Variants in SCNN1B observed in about 807,000 individuals in gnomAD.
SCNN1B encodes the protein epithelial sodium channel subunit beta.
Under a neutral mutation model 65.3 loss-of-function variants are expected in SCNN1B, and 46 were observed. That is an observed-to-expected ratio of 0.70 (90% CI 0.56 to 0.90). SCNN1B has a LOEUF of 0.90. Ranked by LOEUF, SCNN1B falls within the 40% of genes least tolerant of loss-of-function variation. SCNN1B has a pLI of 0.00. For synonymous variants in SCNN1B, 349 were observed against 330.6 expected (o/e 1.06, Z -0.60); for missense variants, 751 against 830.5 (o/e 0.90, Z 1.18).
intron 2 of SCNN1B, among the ~76,000 whole-genome samples, chr16:23,292,184 A>C (rs1156844425): frequency 2.7e-5 from 4 of 145,948 alleles, no homozygotes; most frequent in South Asian, 2.2e-4. Context: ...TATTTATTTT[A>C]TTTCTTTCTT....
At position 23,377,198 on chromosome 16, in the gene SCNN1B, CGCAGA is replaced by C. The variant is rs751079630; in HGVS notation, c.1306_1310del (p.Gln436ArgfsTer13). The C allele has an allele frequency of 6.2e-7, 1 of 1,614,200 alleles. No homozygotes were observed. Among genetic ancestry groups the C allele is most frequent in the Non-Finnish European group, 8.5e-7 (1 of 1,180,020 alleles). Reference sequence around the variant, plus strand: ...TACTCAGATCTACAGATGAGCGTGGCGCAGAGAGAGACCTGCATTGGCATGTGCAA... The same window carrying C: ...TACTCAGATCTACAGATGAGCGTGGCGAGAGACCTGCATTGGCATGTGCAA... On this transcript the variant is annotated frameshift_variant, in exon 9 of 13. Coordinates refer to ENST00000343070, the MANE Select transcript of SCNN1B (RefSeq NM_000336.3). LOFTEE classifies it high-confidence loss of function.
intron 1 of SCNN1B, among the ~76,000 whole-genome samples, chr16:23,340,897 A>AGTGT (rs60710187): frequency 7.2e-4 from 109 of 150,816 alleles, no homozygotes; most frequent in African/African-American, 1.6e-3. Flanking sequence ...GTTGCTTTGA[A>AGTGT]GTGTGTGTGT....
intron 1 of SCNN1B, among the ~76,000 whole-genome samples, chr16:23,310,724 C>T (rs1961323083): frequency 6.6e-6 from 1 of 152,142 alleles, no homozygotes; most frequent in Admixed American, 6.5e-5. Flanking sequence ...AAATACCCAT[C>T]CAAAAAGTTA....
intron 1 of SCNN1B, chr16:23,323,609 G>T (rs1961633407): frequency 1.4e-6 from 1 of 702,848 alleles, no homozygotes. Context: ...CACACAGTGA[G>T]TAAGTGACCC....
In SCNN1B at chr16:23,378,611, G is replaced by A. The variant is rs376247645; in HGVS notation, c.1405-95G>A. ...GATTCCCCCGGGGGCCTCAGGAAGGGACAGGGCTGTGGTCTACCTCCCCCA... is the reference window on the plus strand; with the variant it reads ...GATTCCCCCGGGGGCCTCAGGAAGGAACAGGGCTGTGGTCTACCTCCCCCA... On this transcript the variant is annotated intron_variant, in intron 10 of 12. Coordinates refer to ENST00000343070, the MANE Select transcript of SCNN1B (RefSeq NM_000336.3). 114 of 1,143,748 alleles carry A rather than the reference G, an allele frequency of 1.0e-4. No homozygotes were observed. In the East Asian group the frequency reaches 2.2e-3, roughly 22 times the overall value. 70.8% of individuals were successfully genotyped at this position (1,143,748 alleles called of 1,614,324 possible).
chr16:23,378,036 G>A (rs1962950817), intron 10 of SCNN1B, among the ~76,000 whole-genome samples: 1 of 152,106 alleles, frequency 6.6e-6, no homozygotes, highest in African/African-American at 2.4e-5. Flanking sequence ...GGAGACAGGG[G>A]CTTCCTCTGT....
At chr16:23,356,130 G>A (rs1476001101) in intron 4 of SCNN1B, among the ~76,000 whole-genome samples, 1 of 152,140 alleles carries the variant, frequency 6.6e-6, no homozygotes, top group Admixed American at 6.5e-5. Flanking sequence ...ATTCCCAACA[G>A]GTTGATGAGG....
At chr16:23,306,752 C>CT (rs1961228178) in intron 1 of SCNN1B, among the ~76,000 whole-genome samples, 1 of 152,152 alleles carries the variant, frequency 6.6e-6, no homozygotes, top group Non-Finnish European at 1.5e-5. Context: ...TTACAAAAGC[C>CT]TAGAGGCATG....
At chr16:23,362,677 T>C (rs2142030525) in intron 4 of SCNN1B, among the ~76,000 whole-genome samples, 1 of 152,268 alleles carries the variant, frequency 6.6e-6, no homozygotes, top group Non-Finnish European at 1.5e-5. Flanking sequence ...AAGCAAATAG[T>C]TGGCACGCAC....
chr16:23,305,534 T>TA (rs1555483371), intron 1 of SCNN1B, among the ~76,000 whole-genome samples: 2,173 of 7,170 alleles, frequency 0.3, 352 homozygotes, highest in African/African-American at 0.4. Context: ...AATATATATA[T>TA]TATATATATA....
At chr16:23,367,192 G>C (rs28727991) in intron 4 of SCNN1B, among the ~76,000 whole-genome samples, 37,855 of 152,142 alleles carry the variant, frequency 0.25, 4,853 homozygotes, top group East Asian at 0.36. Flanking sequence ...TCCAAATAAG[G>C]TCACACTCAT....
chr16:23,377,215 A>T lies in SCNN1B; in HGVS notation c.1321A>T (p.Ile441Phe). 8 of 1,614,220 alleles carry T rather than the reference A, an allele frequency of 5.0e-6. No individual in the cohort carries two copies. Among genetic ancestry groups the T allele is most frequent in the South Asian group, 2.2e-5 (2 of 91,090 alleles). The stretch of plus-strand genomic sequence containing the variant: ...GAGCGTGGCGCAGAGAGAGACCTGC[A>T]TTGGCATGTGCAAGGAGTCCTGCAA... ...QMSVAQRETC[I>F]GMCKESCNDT... Residue 441 changes from isoleucine to phenylalanine, a missense_variant, in exon 9 of 13, where the codon ATT becomes TTT. Physicochemically the swap from Ile to Phe is conservative, Grantham distance 21 (BLOSUM62 0). Coordinates refer to ENST00000343070, the MANE Select transcript of SCNN1B (RefSeq NM_000336.3).
chr16:23,319,908 C>CA (rs1961552400), intron 1 of SCNN1B, among the ~76,000 whole-genome samples: 1 of 152,138 alleles, frequency 6.6e-6, no homozygotes, highest in South Asian at 2.1e-4. Flanking sequence ...GCTGAGATAA[C>CA]AGGTGCACGC....
At chr16:23,326,255 T>C (rs1961694589) in intron 1 of SCNN1B, among the ~76,000 whole-genome samples, 1 of 152,112 alleles carries the variant, frequency 6.6e-6, no homozygotes. Context: ...AAAATTATCT[T>C]CTCATTTATT....
chr16:23,282,724 C>T (rs1960800122), intron 1 of SCNN1B, among the ~76,000 whole-genome samples: 1 of 152,198 alleles, frequency 6.6e-6, no homozygotes, highest in Non-Finnish European at 1.5e-5. Flanking sequence ...ACGCCTGCCC[C>T]CTTCCATGGC....
chr16:23,370,440 C>T (rs1962758926), intron 5 of SCNN1B, among the ~76,000 whole-genome samples: 2 of 152,184 alleles, frequency 1.3e-5, no homozygotes, highest in African/African-American at 4.8e-5. Context: ...CTTAGCACAT[C>T]ACCCCGCAGG....
In SCNN1B at chr16:23,380,596, G is replaced by A; in HGVS notation, c.1718G>A (p.Gly573Asp). The A allele has an allele frequency of 1.2e-6, 2 of 1,613,994 alleles. No homozygotes were observed. The highest frequency in any genetic ancestry group is 1.7e-6 in the Non-Finnish European group (2 of 1,179,978). The change falls in exon 13 of 13, where the codon GGC (glycine) becomes GAC (aspartate). Residue 573 changes from glycine (G) to aspartate (D), a missense_variant. Physicochemically the swap from Gly to Asp is moderately conservative, Grantham distance 94 (BLOSUM62 -1). Transcript: ENST00000343070. This position sits in a 1 kb window ranked among gnomAD's most constrained non-coding sequence, Gnocchi z 5.4. ...RQRRAQASYA[G>D]PPPTVAELVE... ...CGGCGAGCCCAAGCCAGCTACGCTGGCCCACCGCCCACCGTGGCCGAGCTG... is the reference window on the plus strand; with the variant it reads ...CGGCGAGCCCAAGCCAGCTACGCTGACCCACCGCCCACCGTGGCCGAGCTG...
rs140391362 is a variant in SCNN1B at position 23,380,681 on chromosome 16, T to C, written c.1803T>C (p.Thr601=). ...QPDTAPRSPN[T]GPYPSEQALP... is the part of the protein sequence containing the mutation. Reference sequence around the variant, plus strand: ...ACACGGCCCCCCGCAGCCCCAACACTGGGCCCTACCCCAGTGAGCAGGCCC... The same window carrying C: ...ACACGGCCCCCCGCAGCCCCAACACCGGGCCCTACCCCAGTGAGCAGGCCC... Residue 601 remains threonine, a synonymous_variant, in exon 13 of 13, where the codon ACT becomes ACC. Transcript: ENST00000343070. This position sits in a 1 kb window ranked among gnomAD's most constrained non-coding sequence, Gnocchi z 5.4. The C allele has an allele frequency of 3.1e-5, 50 of 1,612,288 alleles. No individual in the cohort carries two copies. The East Asian group carries it at 6.9e-4, about 22-fold the overall frequency.
chr16:23,296,744 G>GT (rs1961002771), intron 2 of SCNN1B, among the ~76,000 whole-genome samples: 1 of 152,200 alleles, frequency 6.6e-6, no homozygotes, highest in African/African-American at 2.4e-5. Flanking sequence ...CCTCAGGCCT[G>GT]TAATCCCAGC....
Sources: gnomAD v4.1 joint callset for allele counts (sites outside exome capture counted in the v4.1 genomes callset) on GRCh38, gnomAD v4.1.1 for gene constraint, Gnocchi (gnomAD v3.1) non-coding constraint, MANE v1.5 for transcripts, NCBI Gene and HGNC (gene_info 2026-07-23, HGNC 2026-07-21) for gene names.